The following PRKCE variants were observed in gnomAD, a reference collection of about 807,000 sequenced individuals.
The protein encoded by PRKCE is protein kinase C epsilon.
A neutral mutation model predicts 85.4 loss-of-function variants in PRKCE; 16 were observed. That is an observed-to-expected ratio of 0.19 (90% CI 0.13 to 0.28). The LOEUF (loss-of-function observed/expected upper bound fraction) is 0.28, where lower values mean the gene tolerates loss of function less well. Among genes scored for constraint, PRKCE ranks in the 10% least tolerant of loss-of-function variants. The pLI, the probability that PRKCE is intolerant of heterozygous loss-of-function variation, is 1.00. For synonymous variants in PRKCE, 388 were observed against 371.5 expected (o/e 1.04, Z -0.51); for missense variants, 573 against 975.2 (o/e 0.59, Z 5.49).
intron 1 of PRKCE, among the ~76,000 whole-genome samples, chr2:45,826,187 C>G (rs570671720): frequency 6.6e-5 from 10 of 152,270 alleles, no homozygotes; most frequent in Non-Finnish European, 1.5e-4. Flanking sequence ...AGGGTCAGTC[C>G]TCATTCCTCT....
At chr2:46,019,245 T>C (rs1391067921) in intron 10 of PRKCE, among the ~76,000 whole-genome samples, 2 of 152,236 alleles carry the variant, frequency 1.3e-5, no homozygotes, top group Non-Finnish European at 2.9e-5. Flanking sequence ...TCCCCATGCC[T>C]GTATGAGTTT....
intron 1 of PRKCE, among the ~76,000 whole-genome samples, chr2:45,719,162 A>G (rs1680399415): frequency 6.6e-6 from 1 of 152,240 alleles, no homozygotes; most frequent in Non-Finnish European, 1.5e-5. Context: ...GGGCACTGTC[A>G]TCCTGTGCTT....
At chr2:45,966,622 C>A (rs540758922) in intron 2 of PRKCE, among the ~76,000 whole-genome samples, 20 of 152,170 alleles carry the variant, frequency 1.3e-4, no homozygotes, top group Non-Finnish European at 2.9e-4. Flanking sequence ...TGAGCTGACC[C>A]CCACCCCAAC....
chr2:46,118,358 G>GTTCT (rs2104303989), intron 11 of PRKCE, among the ~76,000 whole-genome samples: 1 of 152,288 alleles, frequency 6.6e-6, no homozygotes, highest in Admixed American at 6.5e-5. Context: ...GCTTGTCACT[G>GTTCT]TTCTACAATG....
intron 10 of PRKCE, among the ~76,000 whole-genome samples, chr2:46,066,445 A>AC (rs2103678641): frequency 6.6e-6 from 1 of 152,144 alleles, no homozygotes; most frequent in African/African-American, 2.4e-5. Context: ...TTGCTTTTTG[A>AC]TTTTCCCATC....
chr2:45,946,265 G>A (rs1167289762), intron 2 of PRKCE, among the ~76,000 whole-genome samples: 1 of 152,244 alleles, frequency 6.6e-6, no homozygotes, highest in Admixed American at 6.5e-5. Context: ...GGTCATCTAT[G>A]ACTAACAGTG....
intron 1 of PRKCE, among the ~76,000 whole-genome samples, chr2:45,661,359 T>C (rs1675631847): frequency 6.6e-6 from 1 of 151,640 alleles, no homozygotes; most frequent in South Asian, 2.1e-4. Flanking sequence ...ATTTCTGTAT[T>C]TTTAGTAGAA....
At position 46,184,916 on chromosome 2, in the gene PRKCE, A is replaced by T; in HGVS notation, c.*35A>T. 6.3e-7 allele frequency: 1 copy of T among 1,598,834 alleles called. No individual in the cohort carries two copies. The highest frequency in any genetic ancestry group is 1.7e-5 in the Admixed American group (1 of 59,992). ...GCAGTTGGACTTTGCCGATGCTGCA[A>T]GAAGGGGTGCAGAGAAGACTCCTGT... On this transcript the variant is annotated 3_prime_UTR_variant, in exon 15 of 15. Transcript: ENST00000306156. The surrounding 1 kb of genome is among the most constrained non-coding windows in gnomAD (Gnocchi z 5.0).
intron 1 of PRKCE, among the ~76,000 whole-genome samples, chr2:45,832,598 A>T (rs1242188199): frequency 6.6e-6 from 1 of 151,998 alleles, no homozygotes; most frequent in Non-Finnish European, 1.5e-5. Context: ...GGCGTGAGCC[A>T]CCGCACCCGG....
intron 9 of PRKCE, among the ~76,000 whole-genome samples, chr2:46,008,717 T>C (rs1203584137): frequency 6.6e-6 from 1 of 152,174 alleles, no homozygotes; most frequent in Non-Finnish European, 1.5e-5. Context: ...GCTGAAGCAA[T>C]TACATTCTTT....
intron 11 of PRKCE, among the ~76,000 whole-genome samples, chr2:46,127,893 G>T (rs1049970508): frequency 3.3e-5 from 5 of 152,230 alleles, no homozygotes; most frequent in Non-Finnish European, 7.3e-5. Flanking sequence ...GTGTTTCTCA[G>T]ACATGGCCGT....
intron 2 of PRKCE, among the ~76,000 whole-genome samples, chr2:45,861,168 C>G (rs1558763110): frequency 1.3e-5 from 2 of 152,094 alleles, no homozygotes; most frequent in South Asian, 2.1e-4. Flanking sequence ...GAGCCATTGC[C>G]TGATGTGAAT....
chr2:46,080,808 G>T (rs778662866), intron 10 of PRKCE, among the ~76,000 whole-genome samples: 67 of 152,232 alleles, frequency 4.4e-4, no homozygotes, highest in Admixed American at 3.3e-4. Context: ...AAGAACAAAA[G>T]AACCACTCAA....
chr2:45,704,703 G>A (rs1678961816), intron 1 of PRKCE, among the ~76,000 whole-genome samples: 1 of 152,194 alleles, frequency 6.6e-6, no homozygotes, highest in African/African-American at 2.4e-5. Context: ...ACATGCAGGT[G>A]CCCAGCAAAT....
chr2:45,900,862 C>A (rs1696526042), intron 2 of PRKCE, among the ~76,000 whole-genome samples: 1 of 152,272 alleles, frequency 6.6e-6, no homozygotes, highest in South Asian at 2.1e-4. Context: ...AGGATTGAAC[C>A]AGACAGAAGG....
At chr2:45,686,505 TA>T (rs1402315341) in intron 1 of PRKCE, among the ~76,000 whole-genome samples, 2 of 152,244 alleles carry the variant, frequency 1.3e-5, no homozygotes. Context: ...TACAATATGC[TA>T]TTTATTACAA....
chr2:45,754,212 AG>A (rs1683819746), intron 1 of PRKCE, among the ~76,000 whole-genome samples: 1 of 152,186 alleles, frequency 6.6e-6, no homozygotes, highest in South Asian at 2.1e-4. Flanking sequence ...ACTGATTCTG[AG>A]GCCTGGAGAC....
At chr2:46,099,626 A>C (rs1430293050) in intron 11 of PRKCE, among the ~76,000 whole-genome samples, 1 of 151,926 alleles carries the variant, frequency 6.6e-6, no homozygotes, top group Middle Eastern at 3.4e-3. Context: ...TGCATCTGCT[A>C]CCTTATATTC....
At chr2:45,818,163 A>G (rs1254696334) in intron 1 of PRKCE, among the ~76,000 whole-genome samples, 1 of 152,254 alleles carries the variant, frequency 6.6e-6, no homozygotes, top group African/African-American at 2.4e-5. Context: ...ATCATGTGCC[A>G]CATAGAAATT....
Sources: gnomAD v4.1 joint callset for allele counts (sites outside exome capture counted in the v4.1 genomes callset) on GRCh38, gnomAD v4.1.1 for gene constraint, Gnocchi (gnomAD v3.1) non-coding constraint, MANE v1.5 for transcripts, NCBI Gene and HGNC (gene_info 2026-07-23, HGNC 2026-07-21) for gene names.